Variants in FLT1 observed in about 807,000 individuals in gnomAD.
The protein encoded by FLT1 is fms related receptor tyrosine kinase 1.
A neutral mutation model predicts 156.3 loss-of-function variants in FLT1; 49 were observed. That is an observed-to-expected ratio of 0.31 (90% confidence interval 0.25 to 0.40). The LOEUF (loss-of-function observed/expected upper bound fraction) is 0.40, where lower values mean the gene tolerates loss of function less well. FLT1 is among the 10% of genes least tolerant of loss of function. The pLI, the probability that FLT1 is intolerant of heterozygous loss-of-function variation, is 1.00. For synonymous variants in FLT1, 594 were observed against 583.8 expected, an observed-to-expected ratio of 1.02 and a Z score of -0.25; for missense variants, 1,322 against 1,637.2, an observed-to-expected ratio of 0.81 and a Z score of 3.32.
intron 10 of FLT1, among the ~76,000 whole-genome samples, chr13:28,425,177 TG>T (rs1877268369): frequency 6.6e-6 from 1 of 152,222 alleles, no homozygotes; most frequent in Non-Finnish European, 1.5e-5. Context: ...CTGTCATTCT[TG>T]TACATCAAAG....
At chr13:28,430,254 A>G in intron 7 of FLT1, 87 bp from the exon 8 acceptor site, 1 of 877,764 alleles carries the variant, frequency 1.1e-6, no homozygotes, top group African/African-American at 1.7e-5. Context: ...GGGTGTAATC[A>G]ATGAGTAAAT....
chr13:28,372,039 T>TGTGTGTGTG (rs1555232337), intron 14 of FLT1, among the ~76,000 whole-genome samples: 16 of 16,464 alleles, frequency 9.7e-4, no homozygotes, highest in African/African-American at 1.9e-3. Flanking sequence ...TGTGTGTGTG[T>TGTGTGTGTG]GTGTGTGTGT....
At chr13:28,320,037 G>A (rs1871378229) in intron 23 of FLT1, among the ~76,000 whole-genome samples, 1 of 152,198 alleles carries the variant, frequency 6.6e-6, no homozygotes, top group East Asian at 1.9e-4. Context: ...AAAGAAGTCA[G>A]TGTTGAAAGA....
At position 28,494,761 on chromosome 13, in the gene FLT1, G is replaced by A; in HGVS notation, c.64+19C>T. On this transcript the variant is annotated intron_variant, in intron 1 of 29. Transcript: ENST00000282397. ...CCATCGCAGCCCGCCTCAGGCCCCG[G>A]CCCCCAGCCGCGCCTCACCTGTGAG... 6.5e-7 allele frequency: 1 copy of A among 1,545,282 alleles called. No individual in the cohort carries two copies. Among genetic ancestry groups the A allele is most frequent in the Non-Finnish European group, 8.7e-7 (1 of 1,150,204 alleles).
At chr13:28,312,224 C>T in intron 25 of FLT1, 126 bp from the exon 26 acceptor site, 2 of 718,970 alleles carry the variant, frequency 2.8e-6, no homozygotes, top group Non-Finnish European at 5.0e-6. Context: ...CTATGTGACC[C>T]TGCTTCATTT....
intron 6 of FLT1, among the ~76,000 whole-genome samples, 185 bp from the exon 7 acceptor site, chr13:28,431,495 T>C (rs937417802): frequency 3.9e-5 from 6 of 152,218 alleles, no homozygotes; most frequent in East Asian, 1.9e-4. Context: ...GCTTCAAATA[T>C]GTAGCATAGC....
intron 14 of FLT1, among the ~76,000 whole-genome samples, chr13:28,372,199 A>C (rs932855761): frequency 4.8e-5 from 7 of 146,698 alleles, no homozygotes; most frequent in Non-Finnish European, 1.0e-4. Context: ...CTCCTAGCTC[A>C]GTCTCCTGAG....
At chr13:28,467,875 A>G (rs588907) in intron 1 of FLT1, among the ~76,000 whole-genome samples, 22,649 of 152,130 alleles carry the variant, frequency 0.15, 3,096 homozygotes, top group African/African-American at 0.36. Flanking sequence ...AAGCCTATTT[A>G]TGTAGAATGG....
At chr13:28,452,549 C>T (rs1378579456) in intron 3 of FLT1, among the ~76,000 whole-genome samples, 1 of 152,146 alleles carries the variant, frequency 6.6e-6, no homozygotes, top group African/African-American at 2.4e-5. Flanking sequence ...GGACTAATCA[C>T]TCCCAAGACA....
intron 14 of FLT1, among the ~76,000 whole-genome samples, chr13:28,373,019 A>G (rs1873690303): frequency 6.6e-6 from 1 of 152,228 alleles, no homozygotes. Flanking sequence ...AAACATTGCA[A>G]AACTTTGTAA....
chr13:28,327,335 A>G (rs1461841857), intron 20 of FLT1, 127 bp downstream of exon 20: 6 of 691,696 alleles, frequency 8.7e-6, no homozygotes, highest in Non-Finnish European at 1.0e-5. Context: ...AAAGGAGAAG[A>G]AGCAGAGATT....
At chr13:28,365,934 C>A (rs556124086) in intron 14 of FLT1, among the ~76,000 whole-genome samples, 2 of 152,064 alleles carry the variant, frequency 1.3e-5, no homozygotes, top group East Asian at 1.9e-4. Flanking sequence ...GAGCCAGGCA[C>A]GTAATATAAA....
At chr13:28,339,983 G>A (rs1872268745) in intron 16 of FLT1, among the ~76,000 whole-genome samples, 1 of 152,206 alleles carries the variant, frequency 6.6e-6, no homozygotes, top group Admixed American at 6.5e-5. Flanking sequence ...AAAAGGCTGA[G>A]GTGGGTGGAT....
At chr13:28,486,644 C>T (rs1881185112) in intron 1 of FLT1, among the ~76,000 whole-genome samples, 1 of 152,202 alleles carries the variant, frequency 6.6e-6, no homozygotes, top group South Asian at 2.1e-4. Context: ...CTGCCCCTAA[C>T]GTACGTACCT....
chr13:28,357,429 G>T (rs1872938228), intron 15 of FLT1, 125 bp downstream of exon 15: 1 of 960,932 alleles, frequency 1.0e-6, no homozygotes. Context: ...AGGGAGAGGG[G>T]AGAAGGAGGT....
intron 24 of FLT1, among the ~76,000 whole-genome samples, chr13:28,318,747 C>A (rs762241425): frequency 6.6e-6 from 1 of 152,172 alleles, no homozygotes; most frequent in Non-Finnish European, 1.5e-5. Context: ...GCCCAAAAGA[C>A]TCTTGGCGAG....
intron 14 of FLT1, 69 bp from the exon 15 acceptor site, chr13:28,357,754 C>T: frequency 7.2e-7 from 1 of 1,397,700 alleles, no homozygotes; most frequent in African/African-American, 1.4e-5. Context: ...TTCTGTAACA[C>T]AGCCTTCTTC....
At chr13:28,411,303 A>C (rs1191149434) in intron 10 of FLT1, among the ~76,000 whole-genome samples, 1 of 151,906 alleles carries the variant, frequency 6.6e-6, no homozygotes, top group East Asian at 1.9e-4. Context: ...TGTAAATCCC[A>C]GCACTTTGGG....
intron 7 of FLT1, among the ~76,000 whole-genome samples, chr13:28,430,707 C>T (rs1269776036): frequency 1.3e-5 from 2 of 152,168 alleles, no homozygotes; most frequent in East Asian, 1.9e-4. Context: ...ATTAGGATTC[C>T]TTGAGAGTAA....
Sources: gnomAD v4.1 joint callset for allele counts (sites outside exome capture counted in the v4.1 genomes callset) on GRCh38, gnomAD v4.1.1 for gene constraint, MANE v1.5 for transcripts, NCBI Gene and HGNC (gene_info 2026-07-23, HGNC 2026-07-21) for gene names.